GPHN: variants seen among roughly 807,000 people sequenced by gnomAD.
GPHN encodes the protein gephyrin.
Under a neutral mutation model 95.5 loss-of-function variants are expected in GPHN, and 17 were observed. The ratio of observed to expected loss-of-function variants is 0.18; its 90% CI spans 0.12 to 0.27. The LOEUF is 0.27. Ranked by LOEUF, GPHN falls within the 10% of genes least tolerant of loss-of-function variation. GPHN has a pLI of 1.00. For synonymous variants in GPHN, 320 were observed against 322.5 expected (o/e 0.99, Z 0.08); for missense variants, 660 against 978.1 (o/e 0.67, Z 4.34).
At chr14:66,944,824 A>G (rs1343516945) in intron 8 of GPHN, among the ~76,000 whole-genome samples, 3 of 152,248 alleles carry the variant, frequency 2.0e-5, no homozygotes, top group Admixed American at 6.5e-5. Flanking sequence ...GGCTCCACAG[A>G]TGCAATGCAG....
intron 3 of GPHN, among the ~76,000 whole-genome samples, chr14:66,811,247 C>G (rs1279124203): frequency 6.6e-6 from 1 of 151,966 alleles, no homozygotes; most frequent in Middle Eastern, 3.2e-3. Flanking sequence ...CAGCATCATG[C>G]AATATACCCA....
intron 3 of GPHN, among the ~76,000 whole-genome samples, chr14:66,809,578 C>A (rs1440038970): frequency 6.6e-6 from 1 of 152,094 alleles, no homozygotes; most frequent in Non-Finnish European, 1.5e-5. Flanking sequence ...AAAGAAGCAG[C>A]ATATTTTGGG....
At chr14:67,604,025 C>T in the GPHN span, among the ~76,000 whole-genome samples, 1 of 151,044 alleles carries the variant, frequency 6.6e-6, no homozygotes, top group East Asian at 1.9e-4. Context: ...GACAGTCTTG[C>T]TCTGTCGCCT....
At chr14:66,538,740 C>T (rs1167652171) in intron 1 of GPHN, among the ~76,000 whole-genome samples, 1 of 148,968 alleles carries the variant, frequency 6.7e-6, no homozygotes, top group Non-Finnish European at 1.5e-5. Context: ...AGTGTCATCT[C>T]TAGCTTTGCT....
rs796922605 is a variant in GPHN at position 66,932,446 on chromosome 14, T to G, written c.828+8154T>G. Among the ~76,000 whole-genome samples the G allele has an allele frequency of 1.9e-4, 16 of 86,190 alleles. No homozygotes were observed. The South Asian group carries it at 6.8e-3, about 37-fold the overall frequency. The allele number at this position is 86,190 out of a possible 152,430, so 56.5% of individuals were successfully genotyped here. ...GTGGGGAATCCTGCCAAGACCAGGT[T>G]TTTTTTTTTTTTTTTTTTTTTTTTT... is the stretch of plus-strand genomic sequence containing the variant. On this transcript the variant is annotated intron_variant, in intron 8 of 22. Transcript: ENST00000478722.
At chr14:67,414,902 T>A in the GPHN span, among the ~76,000 whole-genome samples, 26 of 152,334 alleles carry the variant, frequency 1.7e-4, no homozygotes, top group African/African-American at 6.3e-4. Context: ...ATAAAATGAC[T>A]TGTCCAAGGT....
At chr14:66,535,488 T>C (rs2059111836) in intron 1 of GPHN, among the ~76,000 whole-genome samples, 1 of 152,142 alleles carries the variant, frequency 6.6e-6, no homozygotes, top group Non-Finnish European at 1.5e-5. Context: ...GAATCATATT[T>C]CAGTGAAAAC....
chr14:67,542,046 G>C, the GPHN span: 1 of 1,496,204 alleles, frequency 6.7e-7, no homozygotes, highest in Non-Finnish European at 9.0e-7. Context: ...GTTTATGGCA[G>C]GGAGGGCCGT....
chr14:66,915,943 T>C (rs2065875571), intron 5 of GPHN, 60 bp from the exon 6 acceptor site: 12 of 880,384 alleles, frequency 1.4e-5, no homozygotes, highest in Admixed American at 5.1e-5. Context: ...TTGTTCTTAA[T>C]GTATTTAAAC....
chr14:67,109,953 C>T lies in GPHN; in HGVS notation c.1294-187C>T, dbSNP rs41285472. On this transcript the variant is annotated intron_variant, in intron 13 of 22. Transcript: ENST00000478722. ...ACACATAAAATCAGCTTAAATGAAC[C>T]TAAAGCCCCTTTAGTGTGAGTGCAC... Among the ~76,000 whole-genome samples the T allele has an allele frequency of 0.012, 1,833 of 152,240 alleles. 19 individuals are homozygous for T. Among genetic ancestry groups the T allele is most frequent in the Non-Finnish European group, 0.018 (1,225 of 68,006 alleles).
At chr14:66,682,686 G>T (rs1471223176) in intron 2 of GPHN, among the ~76,000 whole-genome samples, 2 of 152,076 alleles carry the variant, frequency 1.3e-5, no homozygotes, top group Non-Finnish European at 2.9e-5. Flanking sequence ...GGTGGCGGAG[G>T]TTTCAGTGAG....
the GPHN span, among the ~76,000 whole-genome samples, chr14:67,245,515 AT>A: frequency 1.1e-4 from 17 of 151,666 alleles, no homozygotes; most frequent in Admixed American, 3.9e-4. Flanking sequence ...TTATCTTATT[AT>A]TTTTTCCTTT....
chr14:66,589,536 A>G (rs935176334), intron 1 of GPHN, among the ~76,000 whole-genome samples: 2 of 151,788 alleles, frequency 1.3e-5, no homozygotes, highest in Admixed American at 1.3e-4. Flanking sequence ...ACCAACAAAG[A>G]TAAAAAAAAA....
chr14:67,309,456 CTTAATT>C, the GPHN span, among the ~76,000 whole-genome samples: 1 of 151,984 alleles, frequency 6.6e-6, no homozygotes, highest in South Asian at 2.1e-4. Context: ...AGCTTTTTCT[CTTAATT>C]TTAGGGTATA....
At chr14:66,688,902 C>T (rs1173220031) in intron 2 of GPHN, among the ~76,000 whole-genome samples, 6 of 73,126 alleles carry the variant, frequency 8.2e-5, no homozygotes, top group African/African-American at 3.3e-4. Flanking sequence ...CATCACACAC[C>T]GGGGCCTGTC....
chr14:66,851,711 A>C (rs1020772438), intron 4 of GPHN, among the ~76,000 whole-genome samples: 2 of 152,100 alleles, frequency 1.3e-5, no homozygotes, highest in Non-Finnish European at 2.9e-5. Context: ...CCTTTGTCAT[A>C]TTAAAGGCAT....
intron 3 of GPHN, among the ~76,000 whole-genome samples, chr14:66,810,540 TAAA>T (rs1378828099): frequency 6.6e-6 from 1 of 152,036 alleles, no homozygotes; most frequent in Admixed American, 6.6e-5. Context: ...GACAAGGTAA[TAAA>T]ACTATCACAG....
chr14:66,996,231 C>T (rs1284586187), intron 9 of GPHN: 19 of 1,500,366 alleles, frequency 1.3e-5, no homozygotes, highest in Non-Finnish European at 1.6e-5. Context: ...ATATTTTGCA[C>T]GTGTTTTCTT....
At chr14:67,659,471 GT>G in the GPHN span, among the ~76,000 whole-genome samples, 1,760 of 148,048 alleles carry the variant, frequency 0.012, 15 homozygotes, top group Non-Finnish European at 0.019. Context: ...ACAAAGCACT[GT>G]TTTTTTTTTA....
Sources: gnomAD v4.1 joint callset for allele counts (sites outside exome capture counted in the v4.1 genomes callset) on GRCh38, gnomAD v4.1.1 for gene constraint, MANE v1.5 for transcripts, NCBI Gene and HGNC (gene_info 2026-07-23, HGNC 2026-07-21) for gene names.